Variants in ATP2C2 observed in about 807,000 individuals in gnomAD.
ATP2C2 encodes the protein calcium-transporting ATPase type 2C member 2.
In ATP2C2, 171 loss-of-function variants were observed where a neutral mutation model predicts 110.8. That is an observed-to-expected ratio of 1.54 (90% CI 1.36 to 1.75). ATP2C2 has a LOEUF of 1.75. Among genes scored for constraint, ATP2C2 ranks in the 40% most tolerant of loss-of-function variants. The pLI, the probability that ATP2C2 is intolerant of heterozygous loss-of-function variation, is 0.00. For missense variants in ATP2C2, 1,963 were observed against 1,235.0 expected (o/e 1.59, Z -8.84); for synonymous variants, 804 against 508.4 (o/e 1.58, Z -7.82).
chr16:84,368,748 C>A, intron 1 of ATP2C2, 34 bp downstream of exon 1: 2 of 1,459,994 alleles, frequency 1.4e-6, no homozygotes, highest in Non-Finnish European at 1.8e-6. Flanking sequence ...GGGCGTGCGA[C>A]CCGACCCCCC....
intron 3 of ATP2C2, among the ~76,000 whole-genome samples, chr16:84,406,112 G>C (rs1905743213): frequency 6.6e-6 from 1 of 152,252 alleles, no homozygotes; most frequent in African/African-American, 2.4e-5. Flanking sequence ...GAGCAGTGCA[G>C]AGCAGTGCAG....
chr16:84,410,317 C>T (rs368112098), intron 4 of ATP2C2, among the ~76,000 whole-genome samples: 10 of 151,958 alleles, frequency 6.6e-5, no homozygotes, highest in Non-Finnish European at 1.2e-4. Context: ...TTATAAGATG[C>T]GGTGCCTTAA....
At chr16:84,427,777 G>T (rs376225750) in intron 11 of ATP2C2, among the ~76,000 whole-genome samples, 18 of 152,210 alleles carry the variant, frequency 1.2e-4, no homozygotes, top group African/African-American at 4.3e-4. Flanking sequence ...GTTAGTGTTT[G>T]CCAGGGCCTG....
chr16:84,380,662 A>G (rs952741720), intron 1 of ATP2C2, among the ~76,000 whole-genome samples: 5 of 152,170 alleles, frequency 3.3e-5, no homozygotes, highest in Non-Finnish European at 2.9e-5. Context: ...GGCTGCCTGG[A>G]TGCAAATTCT....
chr16:84,392,926 C>T (rs1008532066), intron 1 of ATP2C2, among the ~76,000 whole-genome samples: 6 of 152,146 alleles, frequency 3.9e-5, no homozygotes, highest in Non-Finnish European at 8.8e-5. Flanking sequence ...AGGCTTGGTG[C>T]AACTCAGGAG....
At chr16:84,431,697 T>G (rs1426710429) in intron 11 of ATP2C2, among the ~76,000 whole-genome samples, 1 of 152,030 alleles carries the variant, frequency 6.6e-6, no homozygotes, top group Non-Finnish European at 1.5e-5. Flanking sequence ...CAGAATGAGA[T>G]GATGGAGTTG....
At chr16:84,393,046 A>G (rs1366699724) in intron 1 of ATP2C2, among the ~76,000 whole-genome samples, 13 of 152,136 alleles carry the variant, frequency 8.5e-5, no homozygotes, top group African/African-American at 2.9e-4. Context: ...AAGGTGGGCC[A>G]TTCTGGGTCA....
rs556998422 is a variant in ATP2C2 at position 84,380,152 on chromosome 16, G to C, written c.99+11438G>C. On this transcript the variant is annotated intron_variant, in intron 1 of 26. Transcript: ENST00000262429. ...CTCCCCTGTGATCTGGGAGGTGCCT[G>C]TTCCCCAGGGAAAGTCTATAAATAG... 5.3e-5 allele frequency among the ~76,000 whole-genome samples: 8 copies of C among 152,264 alleles called. No individual in the cohort carries two copies. In the South Asian group the frequency reaches 6.2e-4, roughly 12 times the overall value.
rs768764728 is a variant in ATP2C2 at position 84,422,475 on chromosome 16, G to T, written c.710G>T (p.Gly237Val). 2 of 1,614,018 alleles carry T rather than the reference G, an allele frequency of 1.2e-6. No homozygotes were observed. Among genetic ancestry groups the T allele is most frequent in the Non-Finnish European group, 1.7e-6 (2 of 1,180,028 alleles). Residue 237 changes from glycine to valine, a missense_variant, in exon 8 of 27, where the codon GGG becomes GTG. Coordinates refer to ENST00000262429, the MANE Select transcript of ATP2C2 (RefSeq NM_014861.4). ...ACAGACAGCCCCTTGACAGGCGGTGGGGACCTCACCACCCTCAGCAACATC... is the reference window on the plus strand; with the variant it reads ...ACAGACAGCCCCTTGACAGGCGGTGTGGACCTCACCACCCTCAGCAACATC... ...SKTDSPLTGG[G>V]DLTTLSNIVF...
At chr16:84,414,505 C>A (rs1248337164) in intron 6 of ATP2C2, among the ~76,000 whole-genome samples, 5 of 152,174 alleles carry the variant, frequency 3.3e-5, no homozygotes, top group Admixed American at 1.3e-4. Flanking sequence ...GTAAGGAAAT[C>A]TTTTCCCACA....
chr16:84,432,601 A>G (rs1228850705), intron 11 of ATP2C2, among the ~76,000 whole-genome samples: 2 of 151,778 alleles, frequency 1.3e-5, no homozygotes, highest in African/African-American at 4.8e-5. Context: ...GCCCACTGCC[A>G]CCTCCATCTC....
At position 84,396,283 on chromosome 16, in the gene ATP2C2, C is replaced by T. The variant is rs553626061; in HGVS notation, c.100-2216C>T. 1.4e-4 allele frequency among the ~76,000 whole-genome samples: 21 copies of T among 152,114 alleles called. No individual in the cohort carries two copies. The South Asian group carries it at 2.7e-3, about 20-fold the overall frequency. On this transcript the variant is annotated intron_variant, in intron 1 of 26. Transcript: ENST00000262429. ...GTTTCGAGCCAGGTGCAGTGGCTCA[C>T]GCCTGTAATCTCAGCACTTTTGGAG...
intron 23 of ATP2C2, chr16:84,460,141 C>A: frequency 4.9e-6 from 1 of 202,236 alleles, no homozygotes; most frequent in East Asian, 1.3e-4. Context: ...TCCTGCCAGC[C>A]CTCCCTGGGA....
chr16:84,379,473 T>C (rs1910449301), intron 1 of ATP2C2, among the ~76,000 whole-genome samples: 1 of 152,202 alleles, frequency 6.6e-6, no homozygotes, highest in Non-Finnish European at 1.5e-5. Flanking sequence ...GCTGATCCTT[T>C]CTTTTGATGA....
intron 1 of ATP2C2, among the ~76,000 whole-genome samples, chr16:84,374,595 C>A (rs563659061): frequency 6.3e-4 from 96 of 152,176 alleles, no homozygotes; most frequent in African/African-American, 2.3e-3. Context: ...CCCAGAGTCC[C>A]AACTAGAAGG....
chr16:84,408,734 G>T (rs1243372464), intron 4 of ATP2C2, among the ~76,000 whole-genome samples: 1 of 152,134 alleles, frequency 6.6e-6, no homozygotes, highest in Non-Finnish European at 1.5e-5. Context: ...TGCTAGAGCA[G>T]TGTTGCAGGG....
chr16:84,373,691 G>C (rs968205627), intron 1 of ATP2C2, among the ~76,000 whole-genome samples: 2 of 152,114 alleles, frequency 1.3e-5, no homozygotes, highest in African/African-American at 4.8e-5. Flanking sequence ...TGCCTTAAAG[G>C]CTGCCCATTG....
chr16:84,442,858 T>G (rs1909399216), intron 15 of ATP2C2, among the ~76,000 whole-genome samples: 2 of 152,150 alleles, frequency 1.3e-5, no homozygotes, highest in South Asian at 4.1e-4. Flanking sequence ...TTCCCTGTGG[T>G]TCAGGCCCTG....
At chr16:84,419,426 CTCGTGAT>C (rs1401020265) in intron 7 of ATP2C2, among the ~76,000 whole-genome samples, 3 of 152,076 alleles carry the variant, frequency 2.0e-5, no homozygotes, top group Non-Finnish European at 4.4e-5. Context: ...TATGAGGACC[CTCGTGAT>C]CTCACGGGGC....
Sources: allele counts gnomAD v4.1 joint callset (sites outside exome capture counted in the v4.1 genomes callset), GRCh38; gene constraint gnomAD v4.1.1; transcripts MANE v1.5; gene names NCBI Gene and HGNC (gene_info 2026-07-23, HGNC 2026-07-21).